The following PLPPR1 variants were observed in gnomAD, a reference collection of about 807,000 sequenced individuals.
The protein encoded by PLPPR1 is phospholipid phosphatase-related protein type 1.
A neutral mutation model predicts 33.1 loss-of-function variants in PLPPR1; 10 were observed. That is an observed-to-expected ratio of 0.30 (90% CI 0.19 to 0.51). The LOEUF (loss-of-function observed/expected upper bound fraction) is 0.51, where lower values mean the gene tolerates loss of function less well. PLPPR1 is among the 20% of genes least tolerant of loss of function. The pLI is 0.97. For missense variants in PLPPR1, 304 were observed against 408.1 expected (o/e 0.74, Z 2.20); for synonymous variants, 151 against 151.0 (o/e 1.00, Z 0.00).
chr9:101,301,291 A>G (rs1165772871), intron 4 of PLPPR1, among the ~76,000 whole-genome samples: 3 of 152,174 alleles, frequency 2.0e-5, no homozygotes, highest in Admixed American at 6.5e-5. Flanking sequence ...TAGGTTTCTT[A>G]TATCTTTCCT....
rs181677039 is a variant in PLPPR1, at chr9:101,131,348, G to A, written c.-45-54102G>A. 1.1e-3 allele frequency among the ~76,000 whole-genome samples: 172 copies of A among 152,270 alleles called. 1 individual carries two copies. The highest frequency in any genetic ancestry group is 1.5e-3 in the Non-Finnish European group (103 of 68,026). On this transcript the variant is annotated intron_variant, in intron 1 of 7. Coordinates refer to ENST00000374874, the MANE Select transcript of PLPPR1 (RefSeq NM_207299.2). ...ACCTAAGCTGAGGAGGGTAGCTAAA[G>A]CAGTATTTTTGTTTAAAAGTAGTGA... is the stretch of plus-strand genomic sequence containing the variant.
chr9:101,305,062 G>T (rs1828832056), intron 4 of PLPPR1, among the ~76,000 whole-genome samples: 2 of 152,140 alleles, frequency 1.3e-5, no homozygotes, highest in Admixed American at 1.3e-4. Flanking sequence ...CAGAAGCCTT[G>T]TTTTCTGGGG....
chr9:101,194,289 A>G lies in PLPPR1; in HGVS notation c.63+8732A>G, dbSNP rs1451776906. Reference sequence around the variant, plus strand: ...TTATTTAGTTCAGATTTAAAATAAAATAATAAAAGCATAACTGATATAGTT... The same window carrying G: ...TTATTTAGTTCAGATTTAAAATAAAGTAATAAAAGCATAACTGATATAGTT... On this transcript the variant is annotated intron_variant, in intron 2 of 7. Coordinates refer to ENST00000374874, the MANE Select transcript of PLPPR1 (RefSeq NM_207299.2). Among the ~76,000 whole-genome samples the G allele has an allele frequency of 4.6e-5, 7 of 152,362 alleles. No homozygotes were observed. In the East Asian group the frequency reaches 1.2e-3, roughly 25 times the overall value.
At chr9:101,277,537 G>A (rs1242859466) in intron 3 of PLPPR1, among the ~76,000 whole-genome samples, 1 of 152,218 alleles carries the variant, frequency 6.6e-6, no homozygotes, top group Non-Finnish European at 1.5e-5. Flanking sequence ...AACTGCGATT[G>A]AAGCCCAGTT....
At chr9:101,078,047 T>C (rs1487799701) in intron 1 of PLPPR1, among the ~76,000 whole-genome samples, 1 of 139,806 alleles carries the variant, frequency 7.2e-6, no homozygotes, top group Non-Finnish European at 1.5e-5. Flanking sequence ...GAAAGTCAAA[T>C]GGCTTTACCT....
At chr9:101,094,384 G>A (rs574771256) in intron 1 of PLPPR1, among the ~76,000 whole-genome samples, 63 of 152,102 alleles carry the variant, frequency 4.1e-4, no homozygotes, top group African/African-American at 1.5e-3. Flanking sequence ...TACTTTCTCT[G>A]TCTTGCTGAA....
intron 4 of PLPPR1, among the ~76,000 whole-genome samples, chr9:101,293,078 C>T (rs1251286454): frequency 6.6e-6 from 1 of 151,984 alleles, no homozygotes; most frequent in Non-Finnish European, 1.5e-5. Flanking sequence ...CAGAGACACA[C>T]ATAGGCTCAA....
intron 4 of PLPPR1, among the ~76,000 whole-genome samples, chr9:101,302,650 T>C (rs928389712): frequency 2.1e-4 from 32 of 152,288 alleles, no homozygotes; most frequent in African/African-American, 7.7e-4. Context: ...TGTTAAGAAT[T>C]CCTTAGGTAT....
chr9:101,277,899 G>A (rs1588108099), intron 3 of PLPPR1, among the ~76,000 whole-genome samples: 1 of 152,228 alleles, frequency 6.6e-6, no homozygotes, highest in Admixed American at 6.5e-5. Context: ...CAACAACTAT[G>A]TAATACAGTC....
intron 1 of PLPPR1, among the ~76,000 whole-genome samples, chr9:101,062,634 G>A (rs1199916039): frequency 6.6e-6 from 1 of 152,058 alleles, no homozygotes; most frequent in African/African-American, 2.4e-5. Context: ...ACTGCATTGA[G>A]AGCACTAACT....
intron 3 of PLPPR1, among the ~76,000 whole-genome samples, chr9:101,276,230 T>A (rs1002051931): frequency 3.7e-4 from 56 of 151,908 alleles, no homozygotes; most frequent in African/African-American, 1.2e-3. Context: ...CTTCCTTTTT[T>A]AAAAAAAAAT....
At chr9:101,271,349 G>A (rs1411000435) in intron 3 of PLPPR1, among the ~76,000 whole-genome samples, 2 of 152,148 alleles carry the variant, frequency 1.3e-5, no homozygotes, top group Non-Finnish European at 1.5e-5. Context: ...TGGCATTTAC[G>A]AAGTGTTCAG....
intron 1 of PLPPR1, among the ~76,000 whole-genome samples, chr9:101,163,771 G>T (rs962301613): frequency 3.3e-5 from 5 of 152,214 alleles, no homozygotes; most frequent in African/African-American, 4.8e-5. Context: ...GGCACGGTCA[G>T]TTAGCAGATG....
intron 5 of PLPPR1, 120 bp from the exon 6 acceptor site, chr9:101,312,678 G>A (rs1828979862): frequency 3.0e-6 from 2 of 675,310 alleles, no homozygotes; most frequent in African/African-American, 3.6e-5. Context: ...ACTAGTTAGT[G>A]TGGTTGCTTT....
chr9:101,242,240 C>CTTT (rs529626978), intron 2 of PLPPR1, among the ~76,000 whole-genome samples: 1 of 138,206 alleles, frequency 7.2e-6, no homozygotes. Flanking sequence ...AGCTGGAATT[C>CTTT]TTTTTTTTTT....
chr9:101,210,799 G>A (rs1377701278), intron 2 of PLPPR1, among the ~76,000 whole-genome samples: 1 of 152,052 alleles, frequency 6.6e-6, no homozygotes, highest in Non-Finnish European at 1.5e-5. Flanking sequence ...ACGGAGTCTC[G>A]CTCTGTCGCC....
chr9:101,296,189 C>G lies in PLPPR1; in HGVS notation c.385+9953C>G, dbSNP rs370932516. Among the ~76,000 whole-genome samples, 3 of 151,790 alleles carry G rather than the reference C, an allele frequency of 2.0e-5. No individual in the cohort carries two copies. The East Asian group carries it at 5.8e-4, about 29-fold the overall frequency. On this transcript the variant is annotated intron_variant, in intron 4 of 7. Coordinates refer to ENST00000374874, the MANE Select transcript of PLPPR1 (RefSeq NM_207299.2). ...AAGACATTTATGCAGCCAAAAAACA[C>G]ATGAAAAAATGCTCACCATCACTGG...
intron 1 of PLPPR1, among the ~76,000 whole-genome samples, chr9:101,036,991 ATT>A (rs1830018460): frequency 6.6e-6 from 1 of 152,074 alleles, no homozygotes; most frequent in Admixed American, 6.5e-5. Context: ...TGCTTATCTT[ATT>A]TAATCCTTCT....
chr9:101,207,606 C>T (rs1156731), intron 2 of PLPPR1, among the ~76,000 whole-genome samples: 79,467 of 151,922 alleles, frequency 0.52, 20,833 homozygotes, highest in South Asian at 0.62. Context: ...GCTCCCCTTA[C>T]GAGGCTGTAT....
Sources: gnomAD v4.1 joint callset for allele counts (sites outside exome capture counted in the v4.1 genomes callset) on GRCh38, gnomAD v4.1.1 for gene constraint, MANE v1.5 for transcripts, NCBI Gene and HGNC (gene_info 2026-07-23, HGNC 2026-07-21) for gene names.